Variants in MAGI2 observed in about 807,000 individuals in gnomAD.
The protein encoded by MAGI2 is membrane associated guanylate kinase, WW and PDZ domain containing 2.
MAGI2 carries 35 observed loss-of-function variants against 133.3 expected under a neutral mutation model. The observed-to-expected ratio is 0.26, with a 90% CI of 0.20 to 0.35. The LOEUF (loss-of-function observed/expected upper bound fraction) is 0.35, where lower values mean the gene tolerates loss of function less well. MAGI2 is among the 10% of genes least tolerant of loss of function. MAGI2 has a pLI of 1.00. For missense variants in MAGI2, 1,636 were observed against 1,863.4 expected (o/e 0.88, Z 2.25); for synonymous variants, 729 against 710.6 (o/e 1.03, Z -0.41).
At chr7:78,284,315 TTTAA>T (rs1795931550) in intron 9 of MAGI2, among the ~76,000 whole-genome samples, 2 of 152,052 alleles carry the variant, frequency 1.3e-5, no homozygotes, top group African/African-American at 2.4e-5. Flanking sequence ...AACTATGCAG[TTTAA>T]TTAAGTTGCT....
At chr7:78,890,962 G>A (rs148344658) in intron 2 of MAGI2, among the ~76,000 whole-genome samples, 1,603 of 152,004 alleles carry the variant, frequency 0.011, 15 homozygotes, top group Middle Eastern at 0.02. Context: ...AAAGACCAAC[G>A]CAATTGATAG....
In MAGI2 at chr7:79,444,330, A is replaced by T. The variant is rs565086422; in HGVS notation, c.301+8690T>A. Among the ~76,000 whole-genome samples, 34 of 152,288 alleles carry T rather than the reference A, an allele frequency of 2.2e-4. No homozygotes were observed. In the South Asian group the frequency reaches 7.1e-3, roughly 32 times the overall value. ...TCTGGCCAGGGCAATCAGGCAGGAG[A>T]AGGAAATAAAGAGTATTCAATTAGG... On this transcript the variant is annotated intron_variant, in intron 1 of 21. Transcript: ENST00000354212.
chr7:79,380,708 T>C (rs1843713850), intron 1 of MAGI2, among the ~76,000 whole-genome samples: 1 of 151,746 alleles, frequency 6.6e-6, no homozygotes, highest in Admixed American at 6.6e-5. Context: ...TGAATTGTCT[T>C]ATTTGTCACT....
intron 21 of MAGI2, among the ~76,000 whole-genome samples, chr7:78,063,374 T>C (rs774991072): frequency 5.9e-5 from 9 of 152,330 alleles, no homozygotes; most frequent in Non-Finnish European, 1.2e-4. Flanking sequence ...CCCAAGTAGA[T>C]GGAACTACAG....
chr7:78,585,002 A>C (rs987751109), intron 3 of MAGI2, among the ~76,000 whole-genome samples: 3 of 152,202 alleles, frequency 2.0e-5, no homozygotes, highest in Non-Finnish European at 4.4e-5. Flanking sequence ...GGATTTAAAG[A>C]TGTTTGAAAA....
Position 78,346,002 on chromosome 7 carries a change from T to C in MAGI2, c.1145A>G (p.Glu382Gly), listed in dbSNP as rs752703967. ...ATGTTGCTGTAGCTTCCTTTTTGCT[T>C]CCAGGACAGGATTTTCAAACTGTGT... ...RRTQFENPVLEAKRKLQQHNM... is the reference protein window; with the variant it reads ...RRTQFENPVLGAKRKLQQHNM... Residue 382 changes from glutamate to glycine, a missense_variant, in exon 8 of 22, where the codon GAA becomes GGA. Glu to Gly is a moderately conservative substitution (Grantham distance 98). This residue lies in a region of MAGI2 where 920 missense variants were observed against 1,093.5 expected (regional missense o/e 0.84). Transcript: ENST00000354212. 2 of 1,614,198 alleles carry C rather than the reference T, an allele frequency of 1.2e-6. No individual in the cohort carries two copies. Among genetic ancestry groups the C allele is most frequent in the Non-Finnish European group, 8.5e-7 (1 of 1,180,034 alleles).
intron 1 of MAGI2, among the ~76,000 whole-genome samples, chr7:79,218,794 G>C (rs1238629139): frequency 3.3e-5 from 5 of 152,156 alleles, no homozygotes; most frequent in Non-Finnish European, 5.9e-5. Context: ...TTAATAAACT[G>C]ATAAGATTGG....
At chr7:79,118,091 G>A (rs1331796365) in intron 1 of MAGI2, among the ~76,000 whole-genome samples, 3 of 152,160 alleles carry the variant, frequency 2.0e-5, no homozygotes, top group Non-Finnish European at 4.4e-5. Context: ...AATAAAGTAG[G>A]ACATAGCCAT....
At chr7:79,111,805 T>C (rs542123057) in intron 1 of MAGI2, among the ~76,000 whole-genome samples, 22 of 152,254 alleles carry the variant, frequency 1.4e-4, no homozygotes, top group African/African-American at 5.3e-4. Flanking sequence ...TAGCTGGGAC[T>C]ACAGGCGCCC....
At chr7:78,310,973 T>A (rs918530260) in intron 9 of MAGI2, among the ~76,000 whole-genome samples, 12 of 152,132 alleles carry the variant, frequency 7.9e-5, no homozygotes, top group African/African-American at 2.9e-4. Context: ...TTGAGTGTGA[T>A]GAGATAACAA....
intron 9 of MAGI2, among the ~76,000 whole-genome samples, chr7:78,334,241 C>A (rs1417096317): frequency 1.3e-5 from 2 of 152,154 alleles, no homozygotes; most frequent in African/African-American, 4.8e-5. Context: ...ACTGGAAAAT[C>A]AACATGGAAT....
chr7:78,809,044 A>G (rs1468543071), intron 2 of MAGI2, among the ~76,000 whole-genome samples: 1 of 152,228 alleles, frequency 6.6e-6, no homozygotes, highest in Non-Finnish European at 1.5e-5. Context: ...CCTTAAATAG[A>G]TTAAGTATAA....
At chr7:78,169,377 C>T (rs558053308) in intron 14 of MAGI2, among the ~76,000 whole-genome samples, 1 of 147,722 alleles carries the variant, frequency 6.8e-6, no homozygotes, top group South Asian at 2.2e-4. Flanking sequence ...AAATCCCTTG[C>T]TTCCAGATTG....
In MAGI2 at chr7:78,573,365, A is replaced by AAAATATATATATATAT. The variant is rs1320390413; in HGVS notation, c.539-51721_539-51720insATATATATATATATTT. The stretch of plus-strand genomic sequence containing the variant: ...ATATATAGAGAGAGAGAATCCTGGA[A>AAAATATATATATATAT]ATATATATATATATATATATATATA... On this transcript the variant is annotated intron_variant, in intron 3 of 21. Coordinates refer to ENST00000354212, the MANE Select transcript of MAGI2 (RefSeq NM_012301.4). Among the ~76,000 whole-genome samples the AAAATATATATATATAT allele has an allele frequency of 1.9e-3, 56 of 29,030 alleles. 3 individuals carry two copies. Among genetic ancestry groups the AAAATATATATATATAT allele is most frequent in the Middle Eastern group, 0.017 (1 of 58 alleles). 19.0% of individuals were successfully genotyped at this position (29,030 alleles called of 152,430 possible).
intron 2 of MAGI2, among the ~76,000 whole-genome samples, chr7:78,913,805 CA>C (rs1441451601): frequency 6.6e-6 from 1 of 152,226 alleles, no homozygotes; most frequent in East Asian, 1.9e-4. Flanking sequence ...AGACAAAGGA[CA>C]TTTTTTTAAA....
Position 78,569,881 on chromosome 7 carries a change from C to T in MAGI2, c.539-48236G>A, listed in dbSNP as rs1324116538. Reference sequence around the variant, plus strand: ...ATTTAAAATCTTAAACTTTAATAAACGGTATTATCCAGTACGTAATCTTTT... The same window carrying T: ...ATTTAAAATCTTAAACTTTAATAAATGGTATTATCCAGTACGTAATCTTTT... On this transcript the variant is annotated intron_variant, in intron 3 of 21. Transcript: ENST00000354212. Among the ~76,000 whole-genome samples, 14 of 152,262 alleles carry T rather than the reference C, an allele frequency of 9.2e-5. 1 individual carries two copies. Among genetic ancestry groups the T allele is most frequent in the South Asian group, 8.3e-4 (4 of 4,828 alleles).
rs369414090 is a variant in MAGI2 at position 79,222,825 on chromosome 7, C to T, written c.302-215619G>A. Among the ~76,000 whole-genome samples, 10 of 152,134 alleles carry T rather than the reference C, an allele frequency of 6.6e-5. No homozygotes were observed. In the East Asian group the frequency reaches 1.9e-3, roughly 29 times the overall value. On this transcript the variant is annotated intron_variant, in intron 1 of 21. Coordinates refer to ENST00000354212, the MANE Select transcript of MAGI2 (RefSeq NM_012301.4). ...TTTTCATGAGAAAGGAGAGGGAATG[C>T]ATGTTTGTATGTTGTTTCATATACA... is the stretch of plus-strand genomic sequence containing the variant.
intron 1 of MAGI2, among the ~76,000 whole-genome samples, chr7:79,359,669 AACACAC>A (rs59414419): frequency 0.01 from 1,451 of 140,084 alleles, 25 homozygotes; most frequent in East Asian, 0.022. Flanking sequence ...TCAAGTGGGA[AACACAC>A]ACACACACAC....
chr7:78,974,934 A>G (rs951542107), intron 2 of MAGI2, among the ~76,000 whole-genome samples: 1 of 151,798 alleles, frequency 6.6e-6, no homozygotes, highest in Non-Finnish European at 1.5e-5. Context: ...ATTACCACAA[A>G]TATAGCATTA....
Sources: allele counts gnomAD v4.1 joint callset (sites outside exome capture counted in the v4.1 genomes callset), GRCh38; gene constraint gnomAD v4.1.1; regional missense constraint gnomAD v4.1.1; transcripts MANE v1.5; gene names NCBI Gene and HGNC (gene_info 2026-07-23, HGNC 2026-07-21).